The following MNX1 variants were observed in gnomAD, a reference collection of about 807,000 sequenced individuals.
MNX1 encodes the protein motor neuron and pancreas homeobox protein 1.
In MNX1, 2 loss-of-function variants were observed where a neutral mutation model predicts 17.3. The observed-to-expected ratio is 0.12, with a 90% CI of 0.05 to 0.36. The LOEUF is 0.36. MNX1 is among the 10% of genes least tolerant of loss of function. The pLI, the probability that MNX1 is intolerant of heterozygous loss-of-function variation, is 1.00. For missense variants in MNX1, 556 were observed against 564.7 expected (o/e 0.98, Z 0.16); for synonymous variants, 306 against 283.1 (o/e 1.08, Z -0.81).
In MNX1 at chr7:157,005,565, G is replaced by A. The variant is rs1311854133; in HGVS notation, c.1161C>T (p.Asp387=). The change falls in exon 3 of 3, where the codon GAC becomes GAT. Residue 387 remains aspartate, a synonymous_variant. Coordinates refer to ENST00000252971, the MANE Select transcript of MNX1 (RefSeq NM_005515.4). The part of the protein sequence containing the change: ...HAASSDCSSE[D]DSPPPRPSHQ... ...GGCTGGGCCGCGGGGGCGGCGAGTC[G>A]TCCTCCGAGGAGCAGTCGGAGGAGG... 4 of 1,571,230 alleles carry A rather than the reference G, an allele frequency of 2.5e-6. No homozygotes were observed. In the South Asian group the frequency reaches 4.6e-5, roughly 18 times the overall value.
chr7:157,009,045 C>A, intron 1 of MNX1: 1 of 1,536,996 alleles, frequency 6.5e-7, no homozygotes, highest in Non-Finnish European at 8.7e-7. Context: ...TGTTGAGAGT[C>A]CCCCCATAGC....
Position 157,006,027 on chromosome 7 carries a change from C to T in MNX1, c.853-154G>A, listed in dbSNP as rs897538381. On this transcript the variant is annotated intron_variant, in intron 2 of 2. Transcript: ENST00000252971. The surrounding 1 kb of genome is among the most constrained non-coding windows in gnomAD (Gnocchi z 6.3). ...TTAGAAGCAGAATGGGGAGGGGGCT[C>T]GTAGCTTCCTCCTCCCCGCAACCCC... is the stretch of plus-strand genomic sequence containing the variant. Among the ~76,000 whole-genome samples the T allele has an allele frequency of 2.6e-5, 4 of 152,074 alleles. No homozygotes were observed. The highest frequency in any genetic ancestry group is 5.9e-5 in the Non-Finnish European group (4 of 68,016).
In MNX1 at chr7:157,005,704, T is replaced by C. The variant is rs1177224318; in HGVS notation, c.1022A>G (p.Asp341Gly). The change falls in exon 3 of 3, where the codon GAC becomes GGC. Residue 341 changes from aspartate to glycine, a missense_variant. Physicochemically the swap from Asp to Gly is moderately conservative, Grantham distance 94. Transcript: ENST00000252971. Reference sequence around the variant, plus strand: ...CCGCAGGCGGCGTCCGCTGCCCTTGTCTCCGGGCGCTGGCGGCCCCAGCAG... The same window carrying C: ...CCGCAGGCGGCGTCCGCTGCCCTTGCCTCCGGGCGCTGGCGGCCCCAGCAG... The part of the protein sequence containing the change: ...EELLGPPAPG[D>G]KGSGRRLRDL... The C allele has an allele frequency of 3.0e-5, 49 of 1,610,352 alleles. No individual in the cohort carries two copies. Among genetic ancestry groups the C allele is most frequent in the Non-Finnish European group, 4.2e-5 (49 of 1,179,334 alleles).
In MNX1 at chr7:157,005,738, C is replaced by A; in HGVS notation, c.988G>T (p.Ala330Ser). 1 of 1,609,026 alleles carries A rather than the reference C, an allele frequency of 6.2e-7. No individual in the cohort carries two copies. Among genetic ancestry groups the A allele is most frequent in the Admixed American group, 1.7e-5 (1 of 59,952 alleles). ...AGKGGAEEPG[A>S]EELLGPPAPG... is the part of the protein sequence containing the mutation. Reference sequence around the variant, plus strand: ...GCTGGCGGCCCCAGCAGCTCCTCGGCTCCCGGCTCCTCCGCGCCGCCCTTC... The same window carrying A: ...GCTGGCGGCCCCAGCAGCTCCTCGGATCCCGGCTCCTCCGCGCCGCCCTTC... Residue 330 changes from alanine to serine, a missense_variant, in exon 3 of 3, where the codon GCC (alanine) becomes TCC (serine). Ala to Ser is a moderately conservative substitution (Grantham distance 99). Transcript: ENST00000252971.
chr7:157,010,029 C>G lies in MNX1; in HGVS notation c.322G>C (p.Gly108Arg), dbSNP rs1382229520. The stretch of plus-strand genomic sequence containing the variant: ...TGGTGGTGGGGCCCCCCGTGCCCGC[C>G]GCCCGTGCCGCCGCCGCCGCCGCCC... ...GAGGGGGGTG[G>R]GHGGPHHHAH... The change falls in exon 1 of 3, where the codon GGC becomes CGC. Residue 108 changes from glycine (G) to arginine (R), a missense_variant. Coordinates refer to ENST00000252971, the MANE Select transcript of MNX1 (RefSeq NM_005515.4). The G allele has an allele frequency of 2.0e-6, 2 of 983,994 alleles. No homozygotes were observed. Among genetic ancestry groups the G allele is most frequent in the Non-Finnish European group, 2.4e-6 (2 of 837,146 alleles). The allele number at this position is 983,994 out of a possible 1,614,324, so 61.0% of individuals were successfully genotyped here.
rs555110083 is a variant in MNX1, at chr7:157,007,589, C to T, written c.692-950G>A. On this transcript the variant is annotated intron_variant, in intron 1 of 2. Transcript: ENST00000252971. ...TACAGGCAGAGGCGCAGGCAGGATC[C>T]GGTTCTCTGTGTGTTCAAGGAGGCC... is the stretch of plus-strand genomic sequence containing the variant. 1.1e-4 allele frequency: 16 copies of T among 152,372 alleles called. No homozygotes were observed. The South Asian group carries it at 2.1e-3, about 20-fold the overall frequency. 9.4% of individuals were successfully genotyped at this position (152,372 alleles called of 1,614,324 possible).
rs575985001 is a variant in MNX1, at chr7:157,010,351, C to G, written c.-1G>C. 1.3e-6 allele frequency: 2 copies of G among 1,575,380 alleles called. No individual in the cohort carries two copies. The highest frequency in any genetic ancestry group is 2.3e-5 in the South Asian group (2 of 86,830). Reference sequence around the variant, plus strand: ...TGCGGAAATTTTTGGATTTTTCCATCGGCTCGTTTGGGGCTGGCGCTCAGG... The same window carrying G: ...TGCGGAAATTTTTGGATTTTTCCATGGGCTCGTTTGGGGCTGGCGCTCAGG... On this transcript the variant is annotated 5_prime_UTR_variant, in exon 1 of 3. Coordinates refer to ENST00000252971, the MANE Select transcript of MNX1 (RefSeq NM_005515.4).
Position 157,006,720 on chromosome 7 carries a change from ACT to A in MNX1, c.692-83_692-82del, listed in dbSNP as rs1485345070. The A allele has an allele frequency of 1.4e-6, 2 of 1,428,814 alleles. No homozygotes were observed. The highest frequency in any genetic ancestry group is 9.4e-7 in the Non-Finnish European group (1 of 1,068,402). The allele number at this position is 1,428,814 out of a possible 1,614,324, so 88.5% of individuals were successfully genotyped here. On this transcript the variant is annotated intron_variant, in intron 1 of 2. Transcript: ENST00000252971. This position sits in a 1 kb window ranked among gnomAD's most constrained non-coding sequence, Gnocchi z 6.3. ...CTCCCGTTGCTGCTTGTACCACTAC[ACT>A]CAAGGCCCCAGCGCCAAGGCCTGGC...
chr7:157,009,577 C>A, intron 1 of MNX1, 83 bp downstream of exon 1: 1 of 1,550,340 alleles, frequency 6.5e-7, no homozygotes, highest in East Asian at 2.4e-5. Context: ...GGGAGCCAAG[C>A]GCAGAGAGGG....
At chr7:157,005,974 C>A in intron 2 of MNX1, 101 bp from the exon 3 acceptor site, 1 of 1,381,356 alleles carries the variant, frequency 7.2e-7, no homozygotes, top group South Asian at 1.2e-5. Context: ...ATTGGGTCGG[C>A]CCTGGAATGG....
Position 157,005,564 on chromosome 7 carries a change from C to T in MNX1, c.1162G>A (p.Asp388Asn). 1 of 1,568,962 alleles carries T rather than the reference C, an allele frequency of 6.4e-7. No individual in the cohort carries two copies. The highest frequency in any genetic ancestry group is 1.4e-5 in the African/African-American group (1 of 71,546). The change falls in exon 3 of 3, where the codon GAC becomes AAC. Residue 388 changes from aspartate (D) to asparagine (N), a missense_variant. This residue lies in a region of MNX1 where 178 missense variants were observed against 155.2 expected (regional missense o/e 1.15). Coordinates refer to ENST00000252971, the MANE Select transcript of MNX1 (RefSeq NM_005515.4). ...TGGCTGGGCCGCGGGGGCGGCGAGTCGTCCTCCGAGGAGCAGTCGGAGGAG... is the reference window on the plus strand; with the variant it reads ...TGGCTGGGCCGCGGGGGCGGCGAGTTGTCCTCCGAGGAGCAGTCGGAGGAG... ...AASSDCSSED[D>N]SPPPRPSHQP...
intron 1 of MNX1, chr7:157,008,212 A>ATGGGCCCCCGGGGCTGG (rs1327853239): frequency 1.3e-5 from 2 of 152,092 alleles, no homozygotes; most frequent in Non-Finnish European, 2.9e-5. Flanking sequence ...GCCTAGGACC[A>ATGGGCCCCCGGGGCTGG]CGGGCCCCCG....
rs150045388 is a variant in MNX1, at chr7:157,005,706, T to C, written c.1020A>G (p.Gly340=). The C allele has an allele frequency of 4.7e-5, 76 of 1,610,290 alleles. No homozygotes were observed. In the African/African-American group the frequency reaches 9.1e-4, roughly 19 times the overall value. The change falls in exon 3 of 3, where the codon GGA becomes GGG. Residue 340 remains glycine, a synonymous_variant. Coordinates refer to ENST00000252971, the MANE Select transcript of MNX1 (RefSeq NM_005515.4). The part of the protein sequence containing the change: ...AEELLGPPAP[G]DKGSGRRLRD... ...GCAGGCGGCGTCCGCTGCCCTTGTC[T>C]CCGGGCGCTGGCGGCCCCAGCAGCT...
chr7:157,009,319 G>A, intron 1 of MNX1: 1 of 1,416,990 alleles, frequency 7.1e-7, no homozygotes, highest in Non-Finnish European at 9.2e-7. Flanking sequence ...TCCCGGGCCT[G>A]CCTAATTCAG....
intron 2 of MNX1, 106 bp from the exon 3 acceptor site, chr7:157,005,979 G>C (rs1805590489): frequency 3.0e-6 from 4 of 1,328,774 alleles, no homozygotes; most frequent in African/African-American, 1.4e-5. Context: ...GTCGGCCCTG[G>C]AATGGCCTCA....
chr7:157,005,361 G>A lies in MNX1; in HGVS notation c.*159C>T. On this transcript the variant is annotated 3_prime_UTR_variant, in exon 3 of 3. Coordinates refer to ENST00000252971, the MANE Select transcript of MNX1 (RefSeq NM_005515.4). ...GGAAGCGCCCAGGACCGGAGCCGCGGCCGAATCCCTCCAGCCCCGGCCTGG... is the reference window on the plus strand; with the variant it reads ...GGAAGCGCCCAGGACCGGAGCCGCGACCGAATCCCTCCAGCCCCGGCCTGG... 2.6e-6 allele frequency: 1 copy of A among 389,944 alleles called. No individual in the cohort carries two copies. The highest frequency in any genetic ancestry group is 5.0e-5 in the Admixed American group (1 of 19,844). 24.2% of individuals were successfully genotyped at this position (389,944 alleles called of 1,614,324 possible). A position where few individuals can be genotyped will look rare whatever the true frequency, so the allele number is the denominator to read the frequency against.
intron 1 of MNX1, chr7:157,008,162 AC>A (rs908041316): frequency 1.3e-5 from 2 of 152,172 alleles, no homozygotes; most frequent in African/African-American, 4.8e-5. Flanking sequence ...TTTCTGAGTG[AC>A]CCTGGGCTCC....
intron 1 of MNX1, among the ~76,000 whole-genome samples, chr7:157,007,360 G>A (rs1805624289): frequency 6.6e-6 from 1 of 151,574 alleles, no homozygotes; most frequent in Non-Finnish European, 1.5e-5. Flanking sequence ...AAGAAGGAAG[G>A]AAGGAAGGAA....
In MNX1 at chr7:157,009,832, A is replaced by AGCC. The variant is rs748208450; in HGVS notation, c.516_518dup (p.Ala174dup). On this transcript the variant is annotated inframe_insertion, in exon 1 of 3. Transcript: ENST00000252971. ...GCGCCGGGTGCTGGCCCGCCAGCGC[A>AGCC]GCCGCCGCCGCCGCCGCGGAGTAGC... The AGCC allele has an allele frequency of 5.0e-5, 76 of 1,513,932 alleles. No homozygotes were observed. Among genetic ancestry groups the AGCC allele is most frequent in the Middle Eastern group, 2.3e-4 (1 of 4,292 alleles). 93.8% of individuals were successfully genotyped at this position (1,513,932 alleles called of 1,614,324 possible).
Sources: allele counts gnomAD v4.1 joint callset (sites outside exome capture counted in the v4.1 genomes callset), GRCh38; gene constraint gnomAD v4.1.1; regional missense constraint gnomAD v4.1.1; non-coding constraint Gnocchi (gnomAD v3.1); transcripts MANE v1.5; gene names NCBI Gene and HGNC (gene_info 2026-07-23, HGNC 2026-07-21).